PAK5: variants seen among roughly 807,000 people sequenced by gnomAD.
PAK5 encodes p21 (RAC1) activated kinase 5.
In PAK5, 16 loss-of-function variants were observed where a neutral mutation model predicts 65.9. The ratio of observed to expected loss-of-function variants is 0.24; its 90% CI spans 0.16 to 0.37. The LOEUF (loss-of-function observed/expected upper bound fraction) is 0.37, where lower values mean the gene tolerates loss of function less well. Ranked by LOEUF, PAK5 falls within the 10% of genes least tolerant of loss-of-function variation. The pLI is 1.00. For missense variants in PAK5, 785 were observed against 903.9 expected, an observed-to-expected ratio of 0.87 and a Z score of 1.69; for synonymous variants, 371 against 354.9, an observed-to-expected ratio of 1.05 and a Z score of -0.51.
At chr20:9,811,436 G>C (rs1197277670) in intron 1 of PAK5, among the ~76,000 whole-genome samples, 1 of 152,122 alleles carries the variant, frequency 6.6e-6, no homozygotes, top group African/African-American at 2.4e-5. Flanking sequence ...TACTAATAAA[G>C]AACAGTCCAG....
intron 1 of PAK5, among the ~76,000 whole-genome samples, chr20:9,835,162 C>T (rs1450787776): frequency 1.3e-5 from 2 of 152,192 alleles, no homozygotes; most frequent in African/African-American, 4.8e-5. Flanking sequence ...GCAGAGTATT[C>T]GTTCCTTCAC....
intron 3 of PAK5, among the ~76,000 whole-genome samples, chr20:9,581,726 AG>A (rs527587417): frequency 1.2e-4 from 19 of 152,218 alleles, no homozygotes; most frequent in Non-Finnish European, 2.5e-4. Flanking sequence ...CAAGAATACC[AG>A]GAACTGAAAG....
At chr20:9,606,122 G>T (rs1402042741) in intron 3 of PAK5, among the ~76,000 whole-genome samples, 1 of 152,074 alleles carries the variant, frequency 6.6e-6, no homozygotes, top group African/African-American at 2.4e-5. Flanking sequence ...TGGATCATGG[G>T]GGGTGAACTT....
chr20:9,816,177 T>C (rs1014403485), intron 1 of PAK5, among the ~76,000 whole-genome samples: 1 of 152,142 alleles, frequency 6.6e-6, no homozygotes, highest in African/African-American at 2.4e-5. Flanking sequence ...AAATATGTGA[T>C]TATAGGGAGC....
At chr20:9,743,949 T>C (rs551118715) in intron 1 of PAK5, among the ~76,000 whole-genome samples, 2 of 152,248 alleles carry the variant, frequency 1.3e-5, no homozygotes, top group East Asian at 3.9e-4. Flanking sequence ...CCATCATATA[T>C]ATCCTTACAA....
intron 4 of PAK5, chr20:9,577,832 G>A (rs2045913184): frequency 6.6e-6 from 1 of 152,208 alleles, no homozygotes; most frequent in Non-Finnish European, 1.5e-5. Flanking sequence ...AAGTTCCCAT[G>A]AGTGATTATG....
At chr20:9,595,483 C>G (rs1668381275) in intron 3 of PAK5, among the ~76,000 whole-genome samples, 2 of 152,168 alleles carry the variant, frequency 1.3e-5, no homozygotes, top group South Asian at 4.1e-4. Context: ...CCTCTCTAAG[C>G]TGCCTTGCCA....
At chr20:9,813,445 G>A (rs2049320953) in intron 1 of PAK5, among the ~76,000 whole-genome samples, 1 of 151,996 alleles carries the variant, frequency 6.6e-6, no homozygotes, top group Non-Finnish European at 1.5e-5. Flanking sequence ...TGGGGGTAAA[G>A]CTAGACAGAA....
chr20:9,816,301 T>C (rs922376134), intron 1 of PAK5, among the ~76,000 whole-genome samples: 1 of 152,230 alleles, frequency 6.6e-6, no homozygotes, highest in Non-Finnish European at 1.5e-5. Flanking sequence ...ATGAGTATAT[T>C]ATCTGTCCCA....
chr20:9,724,459 T>C (rs1220531504), intron 1 of PAK5, among the ~76,000 whole-genome samples: 1 of 152,168 alleles, frequency 6.6e-6, no homozygotes, highest in Non-Finnish European at 1.5e-5. Flanking sequence ...CACTTGTTCG[T>C]GGACATTATG....
At chr20:9,731,202 A>G (rs895754589) in intron 1 of PAK5, among the ~76,000 whole-genome samples, 1 of 152,248 alleles carries the variant, frequency 6.6e-6, no homozygotes, top group African/African-American at 2.4e-5. Flanking sequence ...CAAAATTAAT[A>G]GAACAATTTT....
At chr20:9,541,305 G>A (rs1042079539) in intron 9 of PAK5, among the ~76,000 whole-genome samples, 1 of 152,108 alleles carries the variant, frequency 6.6e-6, no homozygotes, top group Non-Finnish European at 1.5e-5. Context: ...ATGATCCTCT[G>A]AGCAAGTCCT....
At chr20:9,780,741 G>A (rs962078026) in intron 1 of PAK5, among the ~76,000 whole-genome samples, 29 of 152,042 alleles carry the variant, frequency 1.9e-4, no homozygotes, top group African/African-American at 6.8e-4. Context: ...ATAGTAGTTT[G>A]CTATGAGTAA....
intron 3 of PAK5, among the ~76,000 whole-genome samples, chr20:9,638,659 C>T (rs1458569135): frequency 6.6e-6 from 1 of 152,204 alleles, no homozygotes. Flanking sequence ...TTTTATCAAA[C>T]TCTTCAGGTG....
At chr20:9,572,370 A>AT (rs1482436072) in intron 4 of PAK5, among the ~76,000 whole-genome samples, 1 of 152,212 alleles carries the variant, frequency 6.6e-6, no homozygotes, top group Admixed American at 6.5e-5. Context: ...GATAGCCTAT[A>AT]TTTGGAAGGC....
At chr20:9,545,967 G>C (rs1319709720) in intron 7 of PAK5, among the ~76,000 whole-genome samples, 1 of 152,030 alleles carries the variant, frequency 6.6e-6, no homozygotes, top group African/African-American at 2.4e-5. Flanking sequence ...CCACAATAGT[G>C]CTTGGCCCAT....
At chr20:9,774,949 C>A (rs1239826598) in intron 1 of PAK5, among the ~76,000 whole-genome samples, 2 of 152,060 alleles carry the variant, frequency 1.3e-5, no homozygotes, top group African/African-American at 2.4e-5. Flanking sequence ...GAGCGAGACT[C>A]GGTCAAAAAA....
intron 1 of PAK5, among the ~76,000 whole-genome samples, chr20:9,825,834 T>G (rs2049477542): frequency 6.6e-6 from 1 of 152,192 alleles, no homozygotes; most frequent in Non-Finnish European, 1.5e-5. Context: ...TTGGTCCATA[T>G]TTTTGGGAAG....
intron 2 of PAK5, among the ~76,000 whole-genome samples, chr20:9,710,515 T>C (rs1236120181): frequency 6.6e-6 from 1 of 152,176 alleles, no homozygotes; most frequent in Non-Finnish European, 1.5e-5. Flanking sequence ...TGGTCATCTA[T>C]GCCAAAATAT....
Sources: allele counts gnomAD v4.1 joint callset (sites outside exome capture counted in the v4.1 genomes callset), GRCh38; gene constraint gnomAD v4.1.1; transcripts MANE v1.5; gene names NCBI Gene and HGNC (gene_info 2026-07-23, HGNC 2026-07-21).